RIMBP2: variants seen among roughly 807,000 people sequenced by gnomAD.
RIMBP2 encodes RIMS binding protein 2, also known as RIMS-binding protein 2.
A neutral mutation model predicts 118.6 loss-of-function variants in RIMBP2; 48 were observed. The observed-to-expected ratio is 0.40, with a 90% CI of 0.32 to 0.51. RIMBP2 has a LOEUF of 0.51. Among genes scored for constraint, RIMBP2 ranks in the 20% least tolerant of loss-of-function variants. RIMBP2 has a pLI of 0.41. For synonymous variants in RIMBP2, 762 were observed against 742.9 expected (o/e 1.03, Z -0.42); for missense variants, 1,551 against 1,768.3 (o/e 0.88, Z 2.20).
intron 1 of RIMBP2, among the ~76,000 whole-genome samples, chr12:130,665,609 C>T (rs755030827): frequency 6.6e-6 from 1 of 151,636 alleles, no homozygotes; most frequent in Admixed American, 6.6e-5. Context: ...CCGTGAGGAA[C>T]CTTCTGTAAA....
rs959232644 is a variant in RIMBP2, at chr12:130,424,675, C to T, written c.2596G>A (p.Glu866Lys). 35 of 1,231,790 alleles carry T rather than the reference C, an allele frequency of 2.8e-5. No individual in the cohort carries two copies. The Admixed American group carries it at 1.5e-3, about 52-fold the overall frequency. The allele number at this position is 1,231,790 out of a possible 1,614,324, so 76.3% of individuals were successfully genotyped here. Reference sequence around the variant, plus strand: ...CTGTAGGGCCTGCCGGGCCTGGGCTCTCTGGCCAGCCCCGTCCTGGCCCTG... The same window carrying T: ...CTGTAGGGCCTGCCGGGCCTGGGCTTTCTGGCCAGCCCCGTCCTGGCCCTG... ...SPRARTGLAR[E>K]PRPGRPYRGD... is the part of the protein sequence containing the mutation. The change falls in exon 16 of 23, where the codon GAG becomes AAG. Residue 866 changes from glutamate (E) to lysine (K), a missense_variant. Transcript: ENST00000690449. This position sits in a 1 kb window ranked among gnomAD's most constrained non-coding sequence, Gnocchi z 9.8.
At chr12:130,672,102 C>A (rs553237816) in intron 1 of RIMBP2, among the ~76,000 whole-genome samples, 6 of 152,156 alleles carry the variant, frequency 3.9e-5, no homozygotes, top group Admixed American at 2.6e-4. Flanking sequence ...TCCACAGACT[C>A]GTGTCGGTTG....
At chr12:130,648,168 A>G (rs2063073927) in intron 1 of RIMBP2, among the ~76,000 whole-genome samples, 1 of 145,690 alleles carries the variant, frequency 6.9e-6, no homozygotes, top group African/African-American at 2.5e-5. Flanking sequence ...AATTTTCAAC[A>G]GTAAATACTA....
intron 4 of RIMBP2, among the ~76,000 whole-genome samples, chr12:130,484,954 A>G (rs1311152267): frequency 6.6e-6 from 1 of 152,206 alleles, no homozygotes; most frequent in Non-Finnish European, 1.5e-5. Context: ...TGAAATAACT[A>G]ATGTTGATTA....
Position 130,450,564 on chromosome 12 carries a change from A to G in RIMBP2, c.505-288T>C, listed in dbSNP as rs1251677230. Among the ~76,000 whole-genome samples, 1 of 152,040 alleles carries G rather than the reference A, an allele frequency of 6.6e-6. No individual in the cohort carries two copies. Among genetic ancestry groups the G allele is most frequent in the East Asian group, 1.9e-4 (1 of 5,142 alleles). On this transcript the variant is annotated intron_variant, in intron 8 of 22. Coordinates refer to ENST00000690449, the MANE Select transcript of RIMBP2 (RefSeq NM_001393629.1). This position sits in a 1 kb window ranked among gnomAD's most constrained non-coding sequence, Gnocchi z 4.8. ...AAAGACTCCGCCCAGTGTCTCCTACAGCAATCCCGGGAGTCAGCGGCGTGG... is the reference window on the plus strand; with the variant it reads ...AAAGACTCCGCCCAGTGTCTCCTACGGCAATCCCGGGAGTCAGCGGCGTGG...
chr12:130,482,200 C>T (rs1350313202), intron 4 of RIMBP2, among the ~76,000 whole-genome samples: 1 of 152,254 alleles, frequency 6.6e-6, no homozygotes, highest in Non-Finnish European at 1.5e-5. Context: ...CGGACAGTCT[C>T]TGCAGACCCT....
chr12:130,471,912 G>A (rs11060925), intron 5 of RIMBP2: 2,058 of 153,686 alleles, frequency 0.013, 79 homozygotes, highest in Admixed American at 0.074. Context: ...CCTGGGTGGT[G>A]TGGGGCCTAC....
intron 1 of RIMBP2, among the ~76,000 whole-genome samples, chr12:130,680,930 T>C (rs2064753953): frequency 6.6e-6 from 1 of 152,200 alleles, no homozygotes; most frequent in African/African-American, 2.4e-5. Flanking sequence ...TAAATCTGTC[T>C]CCATAGCTGA....
chr12:130,398,604 T>C (rs2074244908), intron 22 of RIMBP2: 1 of 152,632 alleles, frequency 6.6e-6, no homozygotes, highest in African/African-American at 2.4e-5. Context: ...AGCTCTCTCG[T>C]AAGGTAGAGG....
At chr12:130,613,342 C>T (rs968175006) in intron 2 of RIMBP2, among the ~76,000 whole-genome samples, 2 of 152,184 alleles carry the variant, frequency 1.3e-5, no homozygotes, top group African/African-American at 4.8e-5. Flanking sequence ...TCTCCAGGCT[C>T]CTACTGCGAC....
chr12:130,524,098 G>A (rs1166309237), intron 2 of RIMBP2, among the ~76,000 whole-genome samples: 1 of 152,134 alleles, frequency 6.6e-6, no homozygotes, highest in Non-Finnish European at 1.5e-5. Context: ...ATGCCGGGGT[G>A]GTGCTCCCAG....
At chr12:130,585,320 T>C (rs1413364674) in intron 2 of RIMBP2, among the ~76,000 whole-genome samples, 2 of 152,148 alleles carry the variant, frequency 1.3e-5, no homozygotes, top group Admixed American at 6.5e-5. Flanking sequence ...GAGATGCCTT[T>C]TGGACGTTTG....
intron 2 of RIMBP2, among the ~76,000 whole-genome samples, chr12:130,579,085 T>TC (rs2058287362): frequency 6.6e-6 from 1 of 152,288 alleles, no homozygotes; most frequent in South Asian, 2.1e-4. Flanking sequence ...CATCGTAGCC[T>TC]GTTGCTTCAG....
intron 2 of RIMBP2, among the ~76,000 whole-genome samples, chr12:130,575,598 T>C (rs1441689393): frequency 6.6e-6 from 1 of 152,180 alleles, no homozygotes; most frequent in African/African-American, 2.4e-5. Flanking sequence ...GCACTGGGGA[T>C]CCAAATGTGC....
At chr12:130,521,350 C>A (rs191486450) in intron 2 of RIMBP2, among the ~76,000 whole-genome samples, 2 of 152,302 alleles carry the variant, frequency 1.3e-5, no homozygotes, top group Admixed American at 1.3e-4. Flanking sequence ...AATCGCAACA[C>A]AACAAAACGA....
intron 1 of RIMBP2, among the ~76,000 whole-genome samples, chr12:130,629,040 C>T (rs572398541): frequency 2.6e-4 from 39 of 152,316 alleles, no homozygotes; most frequent in Non-Finnish European, 4.3e-4. Context: ...TCCTGTATAT[C>T]AGTAGACCTT....
rs533364352 is a variant in RIMBP2 at position 130,575,899 on chromosome 12, A to C, written c.-217+52423T>G. 3.3e-4 allele frequency among the ~76,000 whole-genome samples: 50 copies of C among 152,348 alleles called. No individual in the cohort carries two copies. In the South Asian group the frequency reaches 1.0e-2, roughly 30 times the overall value. ...TGTGGGAATGGGCAAACTGCACAGC[A>C]AAATGTTCTGGGCTTTTTCTTTACT... On this transcript the variant is annotated intron_variant, in intron 2 of 22. Transcript: ENST00000690449.
intron 6 of RIMBP2, among the ~76,000 whole-genome samples, chr12:130,458,684 T>C (rs2079674805): frequency 6.6e-6 from 1 of 152,148 alleles, no homozygotes; most frequent in Non-Finnish European, 1.5e-5. Flanking sequence ...ATGCATTCAT[T>C]CTAACATGTG....
intron 20 of RIMBP2, among the ~76,000 whole-genome samples, chr12:130,406,734 CCT>C (rs1447590597): frequency 6.6e-6 from 1 of 152,200 alleles, no homozygotes; most frequent in Non-Finnish European, 1.5e-5. Context: ...GCAACCTCTG[CCT>C]CTCGGGTTCA....
Sources: gnomAD v4.1 joint callset for allele counts (sites outside exome capture counted in the v4.1 genomes callset) on GRCh38, gnomAD v4.1.1 for gene constraint, Gnocchi (gnomAD v3.1) non-coding constraint, MANE v1.5 for transcripts, NCBI Gene and HGNC (gene_info 2026-07-23, HGNC 2026-07-21) for gene names.